The following DYRK1A variants were observed in gnomAD, a reference collection of about 807,000 sequenced individuals.
DYRK1A encodes dual specificity tyrosine phosphorylation regulated kinase 1A, also known as dual specificity tyrosine-phosphorylation-regulated kinase 1A.
A neutral mutation model predicts 79.7 loss-of-function variants in DYRK1A; 9 were observed. That is an observed-to-expected ratio of 0.11 (90% confidence interval 0.07 to 0.20). DYRK1A has a LOEUF of 0.20. Among genes scored for constraint, DYRK1A ranks in the 10% least tolerant of loss-of-function variants. The pLI is 1.00. For missense variants in DYRK1A, 622 were observed against 956.0 expected, an observed-to-expected ratio of 0.65 and a Z score of 4.61; for synonymous variants, 349 against 329.7, an observed-to-expected ratio of 1.06 and a Z score of -0.63.
intron 1 of DYRK1A, among the ~76,000 whole-genome samples, chr21:37,369,123 C>G (rs1309533750): frequency 6.6e-6 from 1 of 151,968 alleles, no homozygotes; most frequent in East Asian, 1.9e-4. Flanking sequence ...TTTAGTTATT[C>G]TTTGAATGCT....
chr21:37,418,009 CTG>C (rs768108247), intron 1 of DYRK1A, among the ~76,000 whole-genome samples: 2 of 152,046 alleles, frequency 1.3e-5, no homozygotes, highest in Non-Finnish European at 2.9e-5. Context: ...GAAAATATGA[CTG>C]TCTAGATTTT....
At chr21:37,509,392 G>T (rs1051013520) in intron 11 of DYRK1A, among the ~76,000 whole-genome samples, 1 of 152,114 alleles carries the variant, frequency 6.6e-6, no homozygotes, top group Admixed American at 6.5e-5. Context: ...ACAGTATCCC[G>T]TTGTTTAGAT....
At chr21:37,449,268 C>T (rs185616413) in intron 2 of DYRK1A, among the ~76,000 whole-genome samples, 21 of 152,252 alleles carry the variant, frequency 1.4e-4, no homozygotes, top group African/African-American at 2.9e-4. Flanking sequence ...ACTGGTTTAA[C>T]GAACACACCT....
upstream of DYRK1A, among the ~76,000 whole-genome samples, chr21:37,366,650 A>T (rs1173003355): frequency 6.6e-6 from 1 of 151,266 alleles, no homozygotes; most frequent in Non-Finnish European, 1.5e-5. Context: ...GACGGAAAGG[A>T]GGGAACGGAA....
At chr21:37,419,176 T>C (rs533900583) in intron 1 of DYRK1A, 1 of 152,342 alleles carries the variant, frequency 6.6e-6, no homozygotes, top group Admixed American at 6.5e-5. Context: ...GTGTGAATTA[T>C]TTTAGTCCAG....
At chr21:37,453,310 C>T (rs2051520861) in intron 2 of DYRK1A, among the ~76,000 whole-genome samples, 1 of 152,126 alleles carries the variant, frequency 6.6e-6, no homozygotes, top group African/African-American at 2.4e-5. Context: ...TTCAAGTATT[C>T]AGTAGCCACA....
At position 37,367,023 on chromosome 21, in the gene DYRK1A, C is replaced by T. The variant is rs188091808; in HGVS notation, c.-682C>T. On this transcript the variant is annotated 5_prime_UTR_variant, in exon 1 of 12. Coordinates refer to ENST00000647188, the MANE Select transcript of DYRK1A (RefSeq NM_001347721.2). ...GCTTCTGCTGCTGCTGTTCCTGCTGCTGCTGTTGGTGCCGCTGCCGCCGCC... is the reference window on the plus strand; with the variant it reads ...GCTTCTGCTGCTGCTGTTCCTGCTGTTGCTGTTGGTGCCGCTGCCGCCGCC... The T allele has an allele frequency of 9.4e-3, 1,535 of 163,914 alleles. 22 individuals are homozygous for T. Among genetic ancestry groups the T allele is most frequent in the African/African-American group, 0.034 (1,404 of 41,604 alleles). 10.2% of individuals were successfully genotyped at this position (163,914 alleles called of 1,614,324 possible). A position where few individuals can be genotyped will look rare whatever the true frequency, so the allele number is the denominator to read the frequency against.
intron 1 of DYRK1A, among the ~76,000 whole-genome samples, chr21:37,387,131 A>G (rs2049776133): frequency 6.6e-6 from 1 of 152,190 alleles, no homozygotes; most frequent in South Asian, 2.1e-4. Flanking sequence ...TTCTGTTACA[A>G]AGAAAGAAAG....
intron 10 of DYRK1A, 108 bp from the exon 11 acceptor site, chr21:37,505,991 G>A (rs1367579237): frequency 2.4e-6 from 3 of 1,243,338 alleles, no homozygotes; most frequent in Non-Finnish European, 3.3e-6. Context: ...GATTTTGTAT[G>A]TGTGTGTGTG....
intron 5 of DYRK1A, among the ~76,000 whole-genome samples, chr21:37,485,145 C>G (rs1238300434): frequency 6.6e-6 from 1 of 152,040 alleles, no homozygotes; most frequent in Non-Finnish European, 1.5e-5. Flanking sequence ...AAAAAAAAAC[C>G]TTATTAAATT....
At chr21:37,494,188 A>T (rs1252615503) in intron 8 of DYRK1A, among the ~76,000 whole-genome samples, 4 of 151,024 alleles carry the variant, frequency 2.6e-5, no homozygotes, top group Non-Finnish European at 5.9e-5. Flanking sequence ...CACTGTGCCC[A>T]GCCCCTTTTA....
chr21:37,441,419 CCTG>C (rs766866351), intron 2 of DYRK1A, among the ~76,000 whole-genome samples: 29 of 152,112 alleles, frequency 1.9e-4, no homozygotes, highest in Non-Finnish European at 3.1e-4. Context: ...AATCTGTCAT[CCTG>C]CTATTTATTT....
intron 1 of DYRK1A, chr21:37,367,943 TTCCTCCTCC>T (rs923529993): frequency 1.3e-5 from 2 of 158,486 alleles, no homozygotes; most frequent in South Asian, 1.8e-4. Context: ...GGAGGTTGTC[TTCCTCCTCC>T]TCCTCCTCCT....
rs139945067 is a variant in DYRK1A, at chr21:37,462,567, G to C, written c.11-10117G>C. ...TAGTTGTTCTGTGCCTGGCTTCATG[G>C]TCCTTCTCCCAGTGCTTGTGCAGCT... is the stretch of plus-strand genomic sequence containing the variant. On this transcript the variant is annotated intron_variant, in intron 2 of 11. Transcript: ENST00000647188. Among the ~76,000 whole-genome samples, 847 of 152,248 alleles carry C rather than the reference G, an allele frequency of 5.6e-3. 2 individuals are homozygous for C. Among genetic ancestry groups the C allele is most frequent in the Middle Eastern group, 0.01 (3 of 294 alleles).
At chr21:37,382,853 A>AG (rs1443589406) in intron 1 of DYRK1A, among the ~76,000 whole-genome samples, 1 of 152,228 alleles carries the variant, frequency 6.6e-6, no homozygotes, top group Non-Finnish European at 1.5e-5. Context: ...GAACATTTAG[A>AG]GAAAAAGAAG....
Position 37,495,152 on chromosome 21 carries a change from T to TTGTGTGTGTG in DYRK1A, c.1072-925_1072-916dup, listed in dbSNP as rs56226706. On this transcript the variant is annotated intron_variant, in intron 8 of 11. Coordinates refer to ENST00000647188, the MANE Select transcript of DYRK1A (RefSeq NM_001347721.2). The stretch of plus-strand genomic sequence containing the variant: ...CATACTTTATTAAGCCTCTGGGATT[T>TTGTGTGTGTG]TGTGTGTGTGTGTGTGTGTGTGTGT... 7.2e-4 allele frequency among the ~76,000 whole-genome samples: 99 copies of TTGTGTGTGTG among 137,734 alleles called. 1 individual carries two copies. The highest frequency in any genetic ancestry group is 8.1e-4 in the Non-Finnish European group (52 of 64,068). The allele number at this position is 137,734 out of a possible 152,430, so 90.4% of individuals were successfully genotyped here. A position where few individuals can be genotyped will look rare whatever the true frequency, so the allele number is the denominator to read the frequency against.
At chr21:37,486,243 C>G in intron 5 of DYRK1A, 1 of 310,632 alleles carries the variant, frequency 3.2e-6, no homozygotes, top group Non-Finnish European at 5.8e-6. Flanking sequence ...TGTACAAATG[C>G]AAAAAGAAAT....
At chr21:37,395,912 G>A (rs1478145993) in intron 1 of DYRK1A, among the ~76,000 whole-genome samples, 2 of 152,204 alleles carry the variant, frequency 1.3e-5, no homozygotes, top group African/African-American at 4.8e-5. Flanking sequence ...ACTGTATACT[G>A]AAAACTCTTC....
chr21:37,468,528 G>A (rs2052112753), intron 2 of DYRK1A, among the ~76,000 whole-genome samples: 1 of 152,178 alleles, frequency 6.6e-6, no homozygotes, highest in African/African-American at 2.4e-5. Flanking sequence ...TCTGTATCCA[G>A]TAGAACAGAA....
Sources: allele counts gnomAD v4.1 joint callset (sites outside exome capture counted in the v4.1 genomes callset), GRCh38; gene constraint gnomAD v4.1.1; transcripts MANE v1.5; gene names NCBI Gene and HGNC (gene_info 2026-07-23, HGNC 2026-07-21).